CBLN2: variants seen among roughly 807,000 people sequenced by gnomAD.
The protein encoded by CBLN2 is cerebellin 2 precursor.
Under a neutral mutation model 15.0 loss-of-function variants are expected in CBLN2, and 7 were observed. The ratio of observed to expected loss-of-function variants is 0.47; its 90% CI spans 0.27 to 0.88. The LOEUF is 0.88. Ranked by LOEUF, CBLN2 falls within the 40% of genes least tolerant of loss-of-function variation. CBLN2 has a pLI of 0.14. For missense variants in CBLN2, 242 were observed against 304.5 expected (o/e 0.79, Z 1.53); for synonymous variants, 149 against 135.2 (o/e 1.10, Z -0.71).
At chr18:72,606,638 C>T (rs1324366089) in intron 1 of CBLN2, among the ~76,000 whole-genome samples, 1 of 152,192 alleles carries the variant, frequency 6.6e-6, no homozygotes, top group Non-Finnish European at 1.5e-5. Context: ...TTACTAATAA[C>T]TTCTTTATTG....
chr18:72,543,529 C>G lies in CBLN2; in HGVS notation c.-210G>C, dbSNP rs920210193. ...GCGAGCTCCGCTGTCCGCGAAGTTG[C>G]TCTGCTTAGAGAAAATGAGGCGAGT... On this transcript the variant is annotated splice_region_variant and 5_prime_UTR_variant, in exon 2 of 5. Coordinates refer to ENST00000269503, the MANE Select transcript of CBLN2 (RefSeq NM_182511.4). This position sits in a 1 kb window ranked among gnomAD's most constrained non-coding sequence, Gnocchi z 6.8. 15 of 398,428 alleles carry G rather than the reference C, an allele frequency of 3.8e-5. No homozygotes were observed. Among genetic ancestry groups the G allele is most frequent in the Non-Finnish European group, 5.3e-5 (12 of 226,078 alleles). 24.7% of individuals were successfully genotyped at this position (398,428 alleles called of 1,614,324 possible).
intron 1 of CBLN2, among the ~76,000 whole-genome samples, chr18:72,590,279 CA>C (rs2069471737): frequency 6.7e-6 from 1 of 150,338 alleles, no homozygotes; most frequent in South Asian, 2.1e-4. Context: ...AAACAAAAAA[CA>C]AAAACAAAAA....
At chr18:72,541,700 A>G in intron 3 of CBLN2, 104 bp downstream of exon 3, 1 of 833,122 alleles carries the variant, frequency 1.2e-6, no homozygotes, top group Non-Finnish European at 1.8e-6. Context: ...GGGAGGACAG[A>G]GCCTGGGAAC....
At chr18:72,570,932 A>G (rs1568120218) in intron 1 of CBLN2, among the ~76,000 whole-genome samples, 3 of 152,242 alleles carry the variant, frequency 2.0e-5, no homozygotes, top group African/African-American at 7.2e-5. Context: ...AGGCAAATTC[A>G]CAAATATATA....
chr18:72,606,203 C>G (rs1169203808), intron 1 of CBLN2, among the ~76,000 whole-genome samples: 3 of 152,192 alleles, frequency 2.0e-5, no homozygotes, highest in Non-Finnish European at 2.9e-5. Context: ...AGTCCCAAAT[C>G]CAGTACAACT....
rs777991396 is a variant in CBLN2, at chr18:72,541,819, G to A, written c.342C>T (p.Thr114=). The A allele has an allele frequency of 2.6e-6, 4 of 1,568,088 alleles. No individual in the cohort carries two copies. Among genetic ancestry groups the A allele is most frequent in the South Asian group, 1.2e-5 (1 of 86,562 alleles). Residue 114 remains threonine, a synonymous_variant, in exon 3 of 5, where the codon ACC becomes ACT. Transcript: ENST00000269503. ...EPSEMSNRTM[T]IYFDQVLVNI... ...GACGGCTGACCTGGTCGAAATAGAT[G>A]GTCATGGTGCGGTTGCTCATCTCGG...
rs551859716 is a variant in CBLN2, at chr18:72,575,373, T to C, written c.16-36601A>G. Among the ~76,000 whole-genome samples, 19 of 151,938 alleles carry C rather than the reference T, an allele frequency of 1.3e-4. No individual in the cohort carries two copies. In the South Asian group the frequency reaches 2.9e-3, roughly 23 times the overall value. On this transcript the variant is annotated intron_variant, in intron 1 of 2. Coordinates refer to the CBLN2 transcript ENST00000581073. ...TAAGACAGGGATATTTTGGACAGAG[T>C]GGCAATGAGTCAGGAGCTAAAACCA... is the stretch of plus-strand genomic sequence containing the variant.
intron 1 of CBLN2, among the ~76,000 whole-genome samples, chr18:72,549,627 A>G (rs1159848992): frequency 2.9e-5 from 4 of 138,308 alleles, no homozygotes; most frequent in Non-Finnish European, 6.2e-5. Context: ...TATTCTATAC[A>G]ATTATTCCAA....
At chr18:72,570,761 G>A (rs1280604694) in intron 1 of CBLN2, among the ~76,000 whole-genome samples, 1 of 152,112 alleles carries the variant, frequency 6.6e-6, no homozygotes, top group Non-Finnish European at 1.5e-5. Flanking sequence ...AAGGAGATAG[G>A]TTTCCAGTAA....
At chr18:72,625,203 G>C (rs1217731761) in intron 1 of CBLN2, 1 of 152,098 alleles carries the variant, frequency 6.6e-6, no homozygotes, top group East Asian at 1.9e-4. Flanking sequence ...ATGTCAGAGG[G>C]GTGAGAGGCA....
rs1374796604 is a variant in CBLN2 at position 72,610,605 on chromosome 18, T to C, written c.15+27720A>G. On this transcript the variant is annotated intron_variant, in intron 1 of 2. Transcript: ENST00000581073. ...CAGCACCTAGAATAATATTGACTCA[T>C]AAATGCTTCAGAATGTTACTCCTCT... 4.6e-5 allele frequency among the ~76,000 whole-genome samples: 7 copies of C among 152,280 alleles called. No individual in the cohort carries two copies. In the East Asian group the frequency reaches 1.4e-3, roughly 29 times the overall value.
At chr18:72,562,417 C>A (rs556485867) in intron 1 of CBLN2, among the ~76,000 whole-genome samples, 10 of 152,100 alleles carry the variant, frequency 6.6e-5, no homozygotes, top group African/African-American at 2.4e-4. Flanking sequence ...AAAAATAAAA[C>A]ATTTTGTTTG....
chr18:72,591,899 C>T (rs2069482204), intron 1 of CBLN2, among the ~76,000 whole-genome samples: 1 of 152,090 alleles, frequency 6.6e-6, no homozygotes. Context: ...CATTTGTCTG[C>T]TGATAGACAC....
chr18:72,539,951 T>G (rs1379839130), intron 3 of CBLN2: 1 of 152,232 alleles, frequency 6.6e-6, no homozygotes, highest in African/African-American at 2.4e-5. Context: ...AACATGCAGT[T>G]CCCAGCGCAA....
At chr18:72,540,922 G>C (rs2144863221) in intron 3 of CBLN2, among the ~76,000 whole-genome samples, 1 of 152,298 alleles carries the variant, frequency 6.6e-6, no homozygotes, top group South Asian at 2.1e-4. Context: ...TAGCTAATTA[G>C]CTAAAGCTTG....
intron 1 of CBLN2, among the ~76,000 whole-genome samples, chr18:72,553,437 A>G (rs2069203691): frequency 6.6e-6 from 1 of 150,628 alleles, no homozygotes; most frequent in African/African-American, 2.4e-5. Flanking sequence ...GACAAAGGTT[A>G]CTACATAGAC....
intron 1 of CBLN2, among the ~76,000 whole-genome samples, chr18:72,563,251 A>T (rs983471226): frequency 6.6e-6 from 1 of 152,234 alleles, no homozygotes; most frequent in Non-Finnish European, 1.5e-5. Flanking sequence ...AATTAAATTT[A>T]AAAAATACTA....
intron 1 of CBLN2, among the ~76,000 whole-genome samples, chr18:72,608,265 G>A (rs2069597305): frequency 6.6e-6 from 1 of 152,080 alleles, no homozygotes. Context: ...TTTAGCCTCT[G>A]ACTTCTTTTC....
intron 1 of CBLN2, among the ~76,000 whole-genome samples, chr18:72,589,155 G>C (rs2069462095): frequency 6.6e-6 from 1 of 152,120 alleles, no homozygotes; most frequent in African/African-American, 2.4e-5. Flanking sequence ...CTGAAATCCT[G>C]GATGGCCAAC....
Sources: gnomAD v4.1 joint callset for allele counts (sites outside exome capture counted in the v4.1 genomes callset) on GRCh38, gnomAD v4.1.1 for gene constraint, Gnocchi (gnomAD v3.1) non-coding constraint, MANE v1.5 for transcripts, NCBI Gene and HGNC (gene_info 2026-07-23, HGNC 2026-07-21) for gene names.